The following DRC4 variants were observed in gnomAD, a reference collection of about 807,000 sequenced individuals.
The protein encoded by DRC4 is dynein regulatory complex subunit 4.
At chr16:90,035,044 C>T in the DRC4 span, among the ~76,000 whole-genome samples, 4 of 152,028 alleles carry the variant, frequency 2.6e-5, no homozygotes, top group African/African-American at 7.3e-5. Context: ...GCTGGGATTA[C>T]AGGCATGTGC....
chr16:90,032,770 CAG>C, the DRC4 span: 1 of 1,613,936 alleles, frequency 6.2e-7, no homozygotes, highest in Non-Finnish European at 8.5e-7. Flanking sequence ...AACAACCTGA[CAG>C]AGATGAAGGC....
the DRC4 span, among the ~76,000 whole-genome samples, chr16:90,031,967 G>A: frequency 6.6e-6 from 1 of 151,966 alleles, no homozygotes; most frequent in Non-Finnish European, 1.5e-5. Context: ...TGAGCACGTG[G>A]GGCAGGTATG....
chr16:90,032,748 T>A, the DRC4 span: 1 of 1,613,896 alleles, frequency 6.2e-7, no homozygotes, highest in South Asian at 1.1e-5. Flanking sequence ...GCACCTGCTA[T>A]ATGAGCACCA....
chr16:90,042,100 C>T, the DRC4 span, among the ~76,000 whole-genome samples: 6 of 152,100 alleles, frequency 3.9e-5, no homozygotes, highest in East Asian at 2.0e-4. Context: ...CCACCGTGCC[C>T]GGCTACTTTT....
chr16:90,034,563 G>A, the DRC4 span, among the ~76,000 whole-genome samples: 4 of 152,048 alleles, frequency 2.6e-5, no homozygotes, highest in South Asian at 2.1e-4. Flanking sequence ...CGGAGGTTGC[G>A]GTGAGCCGAG....
chr16:90,029,696 C>A, the DRC4 span: 1 of 204,096 alleles, frequency 4.9e-6, no homozygotes, highest in Non-Finnish European at 1.1e-5. Context: ...AATGTGTTTT[C>A]CCTGTGGGGA....
At chr16:90,028,645 C>T in the DRC4 span, among the ~76,000 whole-genome samples, 2 of 152,132 alleles carry the variant, frequency 1.3e-5, no homozygotes, top group Non-Finnish European at 2.9e-5. Flanking sequence ...TTAAGGGCTA[C>T]AGAACATAAT....
the DRC4 span, chr16:90,035,637 A>T: frequency 6.2e-7 from 1 of 1,613,996 alleles, no homozygotes; most frequent in Non-Finnish European, 8.5e-7. Context: ...GTGCAGAAAC[A>T]CACCGAGGAG....
the DRC4 span, chr16:90,043,975 G>T: frequency 2.4e-6 from 1 of 416,420 alleles, no homozygotes; most frequent in Non-Finnish European, 5.0e-6. Flanking sequence ...CCTTGCTGGT[G>T]ATGGTTAAAA....
At chr16:90,036,963 G>C in the DRC4 span, 1 of 560,898 alleles carries the variant, frequency 1.8e-6, no homozygotes, top group Admixed American at 3.2e-5. Flanking sequence ...GGCAGTGACA[G>C]GATTTTCTAC....
the DRC4 span, among the ~76,000 whole-genome samples, chr16:90,027,234 C>T: frequency 6.6e-6 from 1 of 151,942 alleles, no homozygotes; most frequent in Non-Finnish European, 1.5e-5. Context: ...TACAGGCGCC[C>T]ACCGGCACGC....
the DRC4 span, among the ~76,000 whole-genome samples, chr16:90,038,917 T>C: frequency 6.6e-6 from 1 of 152,238 alleles, no homozygotes; most frequent in African/African-American, 2.4e-5. Context: ...GGGCATCTTA[T>C]CTTGAGCCGC....
At chr16:90,026,793 C>T in the DRC4 span, among the ~76,000 whole-genome samples, 1 of 151,482 alleles carries the variant, frequency 6.6e-6, no homozygotes, top group Non-Finnish European at 1.5e-5. Flanking sequence ...AGTGATTGTC[C>T]TGCCTTGGCC....
At chr16:90,036,145 C>T in the DRC4 span, 644 of 579,010 alleles carry the variant, frequency 1.1e-3, no homozygotes, top group Middle Eastern at 2.8e-3. Context: ...GTGCAGGGAG[C>T]GATTAGCAAT....
the DRC4 span, among the ~76,000 whole-genome samples, chr16:90,028,271 A>G: frequency 8.0e-5 from 10 of 125,032 alleles, no homozygotes; most frequent in Admixed American, 5.5e-4. Flanking sequence ...TGTGAGCTCC[A>G]CCTCCCGGGT....
chr16:90,022,096 G>A, the DRC4 span: 1 of 152,224 alleles, frequency 6.6e-6, no homozygotes, highest in African/African-American at 2.4e-5. Flanking sequence ...GAGTGGGGAG[G>A]AGGCCTCTTC....
At chr16:90,031,603 G>A in the DRC4 span, 7 of 1,223,672 alleles carry the variant, frequency 5.7e-6, no homozygotes, top group Non-Finnish European at 7.9e-6. Context: ...GGCTTTGGGA[G>A]TCACAGCCTT....
chr16:90,024,676 G>A, the DRC4 span, among the ~76,000 whole-genome samples: 1 of 151,864 alleles, frequency 6.6e-6, no homozygotes, highest in Non-Finnish European at 1.5e-5. Flanking sequence ...AGGGGGAGTT[G>A]GGTTTTCTTA....
the DRC4 span, among the ~76,000 whole-genome samples, chr16:90,028,424 G>A: frequency 1.3e-5 from 2 of 151,314 alleles, no homozygotes; most frequent in South Asian, 2.1e-4. Flanking sequence ...TCCTGACCTC[G>A]TGATCCACTC....
Sources: gnomAD v4.1 joint callset for allele counts (sites outside exome capture counted in the v4.1 genomes callset) on GRCh38, gnomAD v4.1.1 for gene constraint, MANE v1.5 for transcripts, NCBI Gene and HGNC (gene_info 2026-07-23, HGNC 2026-07-21) for gene names.